Variants in CTNNA3 observed in about 807,000 individuals in gnomAD.
CTNNA3 encodes catenin alpha-3.
Under a neutral mutation model 95.7 loss-of-function variants are expected in CTNNA3, and 76 were observed. That is an observed-to-expected ratio of 0.79 (90% CI 0.66 to 0.96). The LOEUF (loss-of-function observed/expected upper bound fraction) is 0.96. Among genes scored for constraint, CTNNA3 ranks in the 40% least tolerant of loss-of-function variants. The pLI, the probability that CTNNA3 is intolerant of heterozygous loss-of-function variation, is 0.00. For synonymous variants in CTNNA3, 431 were observed against 374.4 expected, an observed-to-expected ratio of 1.15 and a Z score of -1.74; for missense variants, 1,191 against 1,089.8, an observed-to-expected ratio of 1.09 and a Z score of -1.31.
In CTNNA3 at chr10:66,874,178, C is replaced by T. The variant is rs553704251; in HGVS notation, c.1048-98654G>A. Among the ~76,000 whole-genome samples, 78 of 152,210 alleles carry T rather than the reference C, an allele frequency of 5.1e-4. No homozygotes were observed. In the South Asian group the frequency reaches 9.6e-3, roughly 19 times the overall value. On this transcript the variant is annotated intron_variant, in intron 7 of 17. Transcript: ENST00000433211. Reference sequence around the variant, plus strand: ...AGTGTACCTTAGAACTCCTGCTGTGCTCAGTCATTGTCTGTGAACAGCCCT... The same window carrying T: ...AGTGTACCTTAGAACTCCTGCTGTGTTCAGTCATTGTCTGTGAACAGCCCT...
intron 11 of CTNNA3, among the ~76,000 whole-genome samples, chr10:66,519,974 C>A (rs944739184): frequency 1.3e-5 from 2 of 151,970 alleles, no homozygotes; most frequent in African/African-American, 4.8e-5. Context: ...AAAAGAAGCG[C>A]AGGGAAATCA....
intron 7 of CTNNA3, among the ~76,000 whole-genome samples, chr10:67,104,882 T>C (rs1437884302): frequency 6.6e-6 from 1 of 151,996 alleles, no homozygotes; most frequent in African/African-American, 2.4e-5. Context: ...AGAAAGAAAT[T>C]CTAGCACACT....
At chr10:66,577,102 G>A (rs960828386) in intron 10 of CTNNA3, among the ~76,000 whole-genome samples, 4 of 151,034 alleles carry the variant, frequency 2.6e-5, no homozygotes, top group East Asian at 3.9e-4. Flanking sequence ...ATTTTTTCAC[G>A]TATTTGTTGG....
intron 9 of CTNNA3, among the ~76,000 whole-genome samples, chr10:66,758,065 C>T (rs1202190500): frequency 1.3e-5 from 2 of 151,402 alleles, no homozygotes; most frequent in African/African-American, 4.9e-5. Flanking sequence ...AAGTTATTTT[C>T]ATCCTATAAA....
chr10:66,765,720 G>T (rs567604467), intron 9 of CTNNA3, among the ~76,000 whole-genome samples: 2 of 151,988 alleles, frequency 1.3e-5, no homozygotes, highest in Non-Finnish European at 2.9e-5. Flanking sequence ...AAAAATCATG[G>T]TGCATTCCCA....
At chr10:66,593,258 G>A (rs1003450141) in intron 10 of CTNNA3, among the ~76,000 whole-genome samples, 4 of 152,046 alleles carry the variant, frequency 2.6e-5, no homozygotes, top group Non-Finnish European at 4.4e-5. Flanking sequence ...AATCTGTAAC[G>A]TTGAAGATTT....
rs962228841 is a variant in CTNNA3, at chr10:67,750,597, T to G, written c.-2+12837A>C. 4 of 1,559,666 alleles carry G rather than the reference T, an allele frequency of 2.6e-6. No homozygotes were observed. In the Admixed American group the frequency reaches 6.7e-5, roughly 26 times the overall value. On this transcript the variant is annotated intron_variant, in intron 1 of 17. Transcript: ENST00000684154. ...CTCAAGGATCTGAAGCTGAGTTATC[T>G]GGATGTCTATCTTATTCACTAGCAC...
At chr10:67,430,137 T>C (rs1846062009) in intron 5 of CTNNA3, among the ~76,000 whole-genome samples, 2 of 152,000 alleles carry the variant, frequency 1.3e-5, no homozygotes, top group South Asian at 4.1e-4. Context: ...CCCACCTCTA[T>C]AGTCCTCCTA....
In CTNNA3 at chr10:66,063,866, T is replaced by C. The variant is rs531053567; in HGVS notation, c.2159+5442A>G. ...TTTTCTATGTAGCAAAGTATGTTAA[T>C]ACTTTAAACTTCTTCCTGAATATAA... On this transcript the variant is annotated intron_variant, in intron 15 of 17. Coordinates refer to ENST00000433211, the MANE Select transcript of CTNNA3 (RefSeq NM_013266.4). 2.0e-5 allele frequency among the ~76,000 whole-genome samples: 3 copies of C among 152,014 alleles called. No homozygotes were observed. The South Asian group carries it at 6.2e-4, about 31-fold the overall frequency.
At chr10:66,899,853 C>G (rs1049385806) in intron 7 of CTNNA3, among the ~76,000 whole-genome samples, 2 of 152,054 alleles carry the variant, frequency 1.3e-5, no homozygotes, top group Admixed American at 6.5e-5. Flanking sequence ...CCAGGAAGCT[C>G]AAACTGAGCG....
At chr10:65,924,123 C>T (rs903578429) in intron 17 of CTNNA3, among the ~76,000 whole-genome samples, 12 of 152,132 alleles carry the variant, frequency 7.9e-5, no homozygotes, top group African/African-American at 2.9e-4. Context: ...AAATGCTTAG[C>T]TGAAGAACCA....
intron 3 of CTNNA3, among the ~76,000 whole-genome samples, chr10:67,597,937 C>T (rs910538917): frequency 1.4e-4 from 21 of 152,168 alleles, no homozygotes; most frequent in African/African-American, 5.1e-4. Flanking sequence ...GATCTACCAG[C>T]CAAAGAGTTA....
chr10:66,836,764 G>A (rs894042384), intron 7 of CTNNA3, among the ~76,000 whole-genome samples: 3 of 151,870 alleles, frequency 2.0e-5, no homozygotes, highest in Admixed American at 1.3e-4. Flanking sequence ...AAGATGAAAG[G>A]AAAAAAACAG....
chr10:65,990,379 T>C (rs942691875), intron 15 of CTNNA3, among the ~76,000 whole-genome samples: 1 of 150,342 alleles, frequency 6.7e-6, no homozygotes, highest in Non-Finnish European at 1.5e-5. Context: ...CAACATACCT[T>C]TGCCAGCATC....
At chr10:67,021,706 T>C (rs1853026443) in intron 7 of CTNNA3, among the ~76,000 whole-genome samples, 1 of 152,118 alleles carries the variant, frequency 6.6e-6, no homozygotes. Flanking sequence ...AATTAAAAGT[T>C]GAGATACTAA....
At chr10:66,957,996 CAGGGTACAGAGGA>C (rs968739058) in intron 7 of CTNNA3, among the ~76,000 whole-genome samples, 1 of 151,850 alleles carries the variant, frequency 6.6e-6, no homozygotes, top group African/African-American at 2.4e-5. Flanking sequence ...TGGCCTGGAG[CAGGGTACAGAGGA>C]AGGGTACATA....
intron 7 of CTNNA3, among the ~76,000 whole-genome samples, chr10:67,128,345 T>C (rs144465368): frequency 9.8e-4 from 149 of 152,288 alleles, no homozygotes; most frequent in Non-Finnish European, 1.6e-3. Flanking sequence ...CAGTCCTTCA[T>C]AGAAAGCCCA....
chr10:67,642,716 C>CA lies in CTNNA3; in HGVS notation c.99+4698dup, dbSNP rs535011766. On this transcript the variant is annotated intron_variant, in intron 2 of 17. Coordinates refer to ENST00000433211, the MANE Select transcript of CTNNA3 (RefSeq NM_013266.4). ...TGGGTGACAGAGCAAGACTCTGTCTCAAAAAAAAAAAGTTCAACATCACTG... is the reference window on the plus strand; with the variant it reads ...TGGGTGACAGAGCAAGACTCTGTCTCAAAAAAAAAAAAGTTCAACATCACTG... Among the ~76,000 whole-genome samples the CA allele has an allele frequency of 3.3e-3, 460 of 140,640 alleles. 2 individuals are homozygous for CA. Among genetic ancestry groups the CA allele is most frequent in the African/African-American group, 0.01 (411 of 39,166 alleles). The allele number at this position is 140,640 out of a possible 152,430, so 92.3% of individuals were successfully genotyped here.
At chr10:66,179,185 A>T (rs866500445) in intron 13 of CTNNA3, among the ~76,000 whole-genome samples, 1 of 152,048 alleles carries the variant, frequency 6.6e-6, no homozygotes, top group Non-Finnish European at 1.5e-5. Context: ...GATTAAACAG[A>T]CTACAGTATA....
Sources: gnomAD v4.1 joint callset for allele counts (sites outside exome capture counted in the v4.1 genomes callset) on GRCh38, gnomAD v4.1.1 for gene constraint, MANE v1.5 for transcripts, NCBI Gene and HGNC (gene_info 2026-07-23, HGNC 2026-07-21) for gene names.